Variants in PDE10A observed in about 807,000 individuals in gnomAD.
PDE10A encodes the protein cAMP and cAMP-inhibited cGMP 3',5'-cyclic phosphodiesterase 10A.
A neutral mutation model predicts 97.7 loss-of-function variants in PDE10A; 39 were observed. The observed-to-expected ratio is 0.40, with a 90% CI of 0.31 to 0.52. PDE10A has a LOEUF of 0.52. Ranked by LOEUF, PDE10A falls within the 20% of genes least tolerant of loss-of-function variation. The pLI is 0.56. For synonymous variants in PDE10A, 371 were observed against 376.8 expected (o/e 0.98, Z 0.18); for missense variants, 731 against 1,047.8 (o/e 0.70, Z 4.17).
At chr6:165,881,464 C>T (rs778393047) in intron 1 of PDE10A, among the ~76,000 whole-genome samples, 13 of 133,890 alleles carry the variant, frequency 9.7e-5, no homozygotes, top group Non-Finnish European at 1.8e-4. Flanking sequence ...GGTGGGATTT[C>T]AGCTCACTGC....
At chr6:165,547,204 C>T (rs1179677909) in intron 1 of PDE10A, among the ~76,000 whole-genome samples, 1 of 152,132 alleles carries the variant, frequency 6.6e-6, no homozygotes, top group Non-Finnish European at 1.5e-5. Flanking sequence ...CTTTCATCTA[C>T]ATAACATTTT....
intron 13 of PDE10A, among the ~76,000 whole-genome samples, chr6:165,409,888 G>GT (rs58019647): frequency 0.13 from 18,819 of 140,384 alleles, 1,450 homozygotes; most frequent in Non-Finnish European, 0.15. Context: ...CTTTTCAGAA[G>GT]TTTTTTTTTT....
Position 165,328,660 on chromosome 6 carries a change from CT to C in PDE10A, c.*4364del, listed in dbSNP as rs1240210774. 6.6e-6 allele frequency: 1 copy of C among 152,236 alleles called. No individual in the cohort carries two copies. The highest frequency in any genetic ancestry group is 6.5e-5 in the Admixed American group (1 of 15,288). The allele number at this position is 152,236 out of a possible 1,614,324, so 9.4% of individuals were successfully genotyped here. A position where few individuals can be genotyped will look rare whatever the true frequency, so the allele number is the denominator to read the frequency against. On this transcript the variant is annotated 3_prime_UTR_variant, in exon 22 of 22. Coordinates refer to ENST00000539869, the MANE Select transcript of PDE10A (RefSeq NM_001385079.1). Reference sequence around the variant, plus strand: ...GAAACATCAAGTGAGGACAGCATTGCTTCTTCGGATGTTAAATGTGTTTCTT... The same window carrying C: ...GAAACATCAAGTGAGGACAGCATTGCTCTTCGGATGTTAAATGTGTTTCTT...
intron 1 of PDE10A, among the ~76,000 whole-genome samples, chr6:165,941,923 G>C (rs962174466): frequency 2.0e-5 from 3 of 152,068 alleles, no homozygotes; most frequent in Non-Finnish European, 4.4e-5. Flanking sequence ...CAGTCCCAAA[G>C]ATCCCCCATC....
At chr6:165,910,736 C>G (rs1270748438) in intron 1 of PDE10A, 1 of 152,046 alleles carries the variant, frequency 6.6e-6, no homozygotes, top group Non-Finnish European at 1.5e-5. Context: ...TGAATAAAAT[C>G]TAATGTGTAT....
chr6:165,662,065 C>T lies in PDE10A; in HGVS notation c.747G>A (p.Gln249=). ...GGGGQTPRRP[Q]GASFALAAAA... The stretch of plus-strand genomic sequence containing the variant: ...CGGCGGCGAGGGCGAAGCTGGCGCC[C>T]TGGGGACGCCGCGGAGTTTGGCCGC... Residue 249 remains glutamine, a synonymous_variant, in exon 1 of 22, where the codon CAG becomes CAA. Transcript: ENST00000539869. The T allele has an allele frequency of 2.9e-6, 4 of 1,402,958 alleles. No homozygotes were observed. Among genetic ancestry groups the T allele is most frequent in the Non-Finnish European group, 3.8e-6 (4 of 1,065,192 alleles). 86.9% of individuals were successfully genotyped at this position (1,402,958 alleles called of 1,614,324 possible).
At chr6:165,537,528 T>A (rs1783162874) in intron 2 of PDE10A, among the ~76,000 whole-genome samples, 1 of 152,010 alleles carries the variant, frequency 6.6e-6, no homozygotes, top group Non-Finnish European at 1.5e-5. Flanking sequence ...CTCATAAATA[T>A]GTATAATTAC....
intron 11 of PDE10A, among the ~76,000 whole-genome samples, chr6:165,417,909 T>C (rs1788433548): frequency 6.6e-6 from 1 of 152,198 alleles, no homozygotes; most frequent in Non-Finnish European, 1.5e-5. Context: ...ATACAGAAGA[T>C]GAGTTAAACG....
At chr6:165,806,687 C>T (rs1462630343) in intron 1 of PDE10A, among the ~76,000 whole-genome samples, 1 of 151,988 alleles carries the variant, frequency 6.6e-6, no homozygotes, top group African/African-American at 2.4e-5. Context: ...TGATGAGGTC[C>T]CCTTCAGTGC....
chr6:165,443,134 A>AT (rs1790595456), intron 5 of PDE10A, among the ~76,000 whole-genome samples: 1 of 149,402 alleles, frequency 6.7e-6, no homozygotes, highest in Admixed American at 6.7e-5. Context: ...AAAAAAAAAA[A>AT]TGTCCAAGTC....
chr6:165,578,572 G>A (rs114538419), intron 1 of PDE10A, among the ~76,000 whole-genome samples: 1,649 of 152,102 alleles, frequency 0.011, 26 homozygotes, highest in African/African-American at 0.035. Context: ...TTCATCTCCC[G>A]CTACTCTCCC....
At chr6:165,800,285 T>G (rs1401874711) in intron 1 of PDE10A, among the ~76,000 whole-genome samples, 1 of 152,160 alleles carries the variant, frequency 6.6e-6, no homozygotes, top group African/African-American at 2.4e-5. Context: ...AAAGGCTCGT[T>G]CTACTAAAGG....
chr6:165,468,920 C>G (rs1256703026), intron 3 of PDE10A, among the ~76,000 whole-genome samples: 1 of 152,200 alleles, frequency 6.6e-6, no homozygotes, highest in Non-Finnish European at 1.5e-5. Context: ...GGGCCTAAAA[C>G]AGCTCCTCTG....
At chr6:165,821,050 A>G (rs1417548504) in intron 1 of PDE10A, among the ~76,000 whole-genome samples, 1 of 152,214 alleles carries the variant, frequency 6.6e-6, no homozygotes, top group Non-Finnish European at 1.5e-5. Context: ...TAAAGTAATG[A>G]AATAGCTCGG....
At chr6:165,759,168 G>A (rs1299465436) in intron 1 of PDE10A, among the ~76,000 whole-genome samples, 1 of 152,068 alleles carries the variant, frequency 6.6e-6, no homozygotes, top group Admixed American at 6.5e-5. Flanking sequence ...CTCTTTTCTG[G>A]GAGAGGTCCA....
chr6:165,778,541 T>A (rs576321447), intron 1 of PDE10A, among the ~76,000 whole-genome samples: 28 of 152,288 alleles, frequency 1.8e-4, no homozygotes, highest in African/African-American at 6.5e-4. Context: ...GGTGCCCAGA[T>A]GCATGCAAGT....
intron 1 of PDE10A, among the ~76,000 whole-genome samples, chr6:165,692,857 A>C (rs9348034): frequency 0.91 from 138,051 of 152,260 alleles, 62,865 homozygotes; most frequent in African/African-American, 0.97. Flanking sequence ...TCTAATACAA[A>C]CAGGAGAAGC....
At chr6:165,562,450 C>T (rs1321265647) in intron 1 of PDE10A, among the ~76,000 whole-genome samples, 1 of 152,030 alleles carries the variant, frequency 6.6e-6, no homozygotes, top group South Asian at 2.1e-4. Context: ...CAACTTAAGA[C>T]AAAGATGAAA....
chr6:165,418,719 T>C lies in PDE10A; in HGVS notation c.1712A>G (p.Lys571Arg). ...AAGGTCTGAATATAACTCCTTGTTC[T>C]TATGGTCCACCTGGAAAAGCGCACA... ...DRCALFQVDH[K>R]NKELYSDLFD... The change falls in exon 11 of 22, where the codon AAG (lysine) becomes AGG (arginine). Residue 571 changes from lysine (K) to arginine (R), a missense_variant. By Grantham distance (26) the Lys-to-Arg change is conservative. Transcript: ENST00000539869. This position sits in a 1 kb window ranked among gnomAD's most constrained non-coding sequence, Gnocchi z 4.8. 1 of 1,613,842 alleles carries C rather than the reference T, an allele frequency of 6.2e-7. No individual in the cohort carries two copies. Among genetic ancestry groups the C allele is most frequent in the Non-Finnish European group, 8.5e-7 (1 of 1,179,830 alleles).
Sources: allele counts gnomAD v4.1 joint callset (sites outside exome capture counted in the v4.1 genomes callset), GRCh38; gene constraint gnomAD v4.1.1; non-coding constraint Gnocchi (gnomAD v3.1); transcripts MANE v1.5; gene names NCBI Gene and HGNC (gene_info 2026-07-23, HGNC 2026-07-21).